The following SHISA9 variants were observed in gnomAD, a reference collection of about 807,000 sequenced individuals.
SHISA9 encodes the protein shisa family member 9, also known as protein shisa-9.
A neutral mutation model predicts 38.0 loss-of-function variants in SHISA9; 13 were observed. The ratio of observed to expected loss-of-function variants is 0.34; its 90% CI spans 0.22 to 0.54. The LOEUF is 0.54. Among genes scored for constraint, SHISA9 ranks in the 20% least tolerant of loss-of-function variants. The probability of loss-of-function intolerance (pLI) is 0.91; values close to 1 mark genes in which losing one functional copy is unlikely to be tolerated. For missense variants in SHISA9, 538 were observed against 575.8 expected (o/e 0.93, Z 0.67); for synonymous variants, 275 against 242.0 (o/e 1.14, Z -1.27).
the SHISA9 span, among the ~76,000 whole-genome samples, chr16:13,270,700 G>A: frequency 3.9e-5 from 6 of 152,200 alleles, no homozygotes; most frequent in South Asian, 1.2e-3. Context: ...CTGAAAATAA[G>A]GATAATTATA....
At chr16:13,015,853 CCTTT>C (rs201249295) in intron 2 of SHISA9, among the ~76,000 whole-genome samples, 15,668 of 98,040 alleles carry the variant, frequency 0.16, 1,219 homozygotes, top group Middle Eastern at 0.24. Context: ...TCTTTCTTTC[CCTTT>C]CTTTCTTTCT....
At chr16:12,903,258 C>A (rs1245291692) in intron 1 of SHISA9, among the ~76,000 whole-genome samples, 1 of 152,184 alleles carries the variant, frequency 6.6e-6, no homozygotes, top group Admixed American at 6.5e-5. Context: ...GCCCCTTTAC[C>A]CACCTCATCC....
At chr16:13,376,575 A>G in the SHISA9 span, among the ~76,000 whole-genome samples, 1 of 152,240 alleles carries the variant, frequency 6.6e-6, no homozygotes, top group African/African-American at 2.4e-5. Context: ...AATCAGGACC[A>G]TGGCTATGAG....
Position 13,235,810 on chromosome 16 carries a change from A to G in SHISA9, c.*401A>G, listed in dbSNP as rs1354269510. On this transcript the variant is annotated 3_prime_UTR_variant, in exon 5 of 5. Coordinates refer to ENST00000558583, the MANE Select transcript of SHISA9 (RefSeq NM_001145204.3). Reference sequence around the variant, plus strand: ...AGAAATTGTCCATTTGAGCACATACACTACTTGCCACGTGCTGTCTGTTTC... The same window carrying G: ...AGAAATTGTCCATTTGAGCACATACGCTACTTGCCACGTGCTGTCTGTTTC... 1 of 179,192 alleles carries G rather than the reference A, an allele frequency of 5.6e-6. No homozygotes were observed. The highest frequency in any genetic ancestry group is 2.4e-5 in the African/African-American group (1 of 42,188). 11.1% of individuals were successfully genotyped at this position (179,192 alleles called of 1,614,324 possible).
chr16:13,248,732 G>A, the SHISA9 span, among the ~76,000 whole-genome samples: 1 of 152,086 alleles, frequency 6.6e-6, no homozygotes, highest in Non-Finnish European at 1.5e-5. Context: ...GTGGTACCTT[G>A]GTTTTTCCAT....
the SHISA9 span, among the ~76,000 whole-genome samples, chr16:13,256,935 A>G: frequency 6.6e-6 from 1 of 152,192 alleles, no homozygotes; most frequent in Non-Finnish European, 1.5e-5. Context: ...ACACATACAC[A>G]CAATATGTTT....
At chr16:13,431,382 C>T in the SHISA9 span, among the ~76,000 whole-genome samples, 1 of 152,170 alleles carries the variant, frequency 6.6e-6, no homozygotes, top group South Asian at 2.1e-4. Context: ...AAGTTCATTA[C>T]CTATAAACTT....
chr16:13,525,259 T>C, the SHISA9 span, among the ~76,000 whole-genome samples: 2 of 152,166 alleles, frequency 1.3e-5, no homozygotes, highest in Non-Finnish European at 2.9e-5. Context: ...ACACATATTA[T>C]TAATCCTGGA....
At chr16:13,452,860 C>G in the SHISA9 span, among the ~76,000 whole-genome samples, 1 of 151,576 alleles carries the variant, frequency 6.6e-6, no homozygotes, top group Non-Finnish European at 1.5e-5. Context: ...AAAGAATATA[C>G]TCTCATCTTC....
intron 2 of SHISA9, among the ~76,000 whole-genome samples, chr16:13,155,654 C>T (rs2050538311): frequency 6.6e-6 from 1 of 151,972 alleles, no homozygotes; most frequent in South Asian, 2.1e-4. Context: ...GGGCACTGTG[C>T]TAGTCAAGGT....
At chr16:13,339,222 A>G in the SHISA9 span, among the ~76,000 whole-genome samples, 42 of 149,408 alleles carry the variant, frequency 2.8e-4, no homozygotes, top group Non-Finnish European at 3.7e-4. Flanking sequence ...GGTGTCACCA[A>G]GTTAGAGCTG....
intron 2 of SHISA9, among the ~76,000 whole-genome samples, chr16:13,073,790 G>T (rs547929586): frequency 6.6e-6 from 1 of 152,234 alleles, no homozygotes; most frequent in South Asian, 2.1e-4. Flanking sequence ...ATGGGAACGA[G>T]GCGGATACAA....
chr16:12,923,572 C>T (rs988526018), intron 2 of SHISA9, among the ~76,000 whole-genome samples: 2 of 151,794 alleles, frequency 1.3e-5, no homozygotes, highest in Non-Finnish European at 2.9e-5. Flanking sequence ...ATGAAACAGT[C>T]GGAAAAATAT....
chr16:13,548,709 A>G, the SHISA9 span, among the ~76,000 whole-genome samples: 146 of 152,324 alleles, frequency 9.6e-4, 1 homozygote, highest in Non-Finnish European at 1.6e-3. Context: ...ACAAAAAATA[A>G]CAAACACTGC....
At chr16:13,535,500 C>G in the SHISA9 span, among the ~76,000 whole-genome samples, 1 of 152,314 alleles carries the variant, frequency 6.6e-6, no homozygotes, top group South Asian at 2.1e-4. Context: ...AGCCAGCAAC[C>G]TGTTCTTGGA....
chr16:13,325,079 T>G, the SHISA9 span, among the ~76,000 whole-genome samples: 2 of 152,170 alleles, frequency 1.3e-5, no homozygotes, highest in African/African-American at 4.8e-5. Context: ...TCAGAGAGAA[T>G]AGATGGTAAA....
the SHISA9 span, among the ~76,000 whole-genome samples, chr16:13,440,832 G>A: frequency 6.6e-5 from 10 of 152,124 alleles, no homozygotes; most frequent in East Asian, 5.8e-4. Flanking sequence ...TGAGGCAGGA[G>A]AGTCGTTTGA....
Position 13,222,788 on chromosome 16 carries a change from G to A in SHISA9, c.895+9488G>A, listed in dbSNP as rs202229216. ...ACACTGCACTCCACAAGGTGTGTGT[G>A]TATGTATATATATATATATATATAC... On this transcript the variant is annotated intron_variant, in intron 4 of 4. Transcript: ENST00000558583. Among the ~76,000 whole-genome samples the A allele has an allele frequency of 7.8e-5, 5 of 63,914 alleles. No individual in the cohort carries two copies. The East Asian group carries it at 4.5e-3, about 57-fold the overall frequency. 41.9% of individuals were successfully genotyped at this position (63,914 alleles called of 152,430 possible).
At chr16:13,215,742 G>C (rs2051161970) in intron 4 of SHISA9, among the ~76,000 whole-genome samples, 3 of 152,150 alleles carry the variant, frequency 2.0e-5, no homozygotes, top group Admixed American at 2.0e-4. Flanking sequence ...GAGGAAAAGT[G>C]GTCCCAGTGA....
Sources: allele counts gnomAD v4.1 joint callset (sites outside exome capture counted in the v4.1 genomes callset), GRCh38; gene constraint gnomAD v4.1.1; transcripts MANE v1.5; gene names NCBI Gene and HGNC (gene_info 2026-07-23, HGNC 2026-07-21).